Variants in FA2H observed in about 807,000 individuals in gnomAD.
The protein encoded by FA2H is fatty acid alpha-hydroxylase.
FA2H carries 22 observed loss-of-function variants against 44.9 expected under a neutral mutation model. That is an observed-to-expected ratio of 0.49 (90% confidence interval 0.35 to 0.70). The LOEUF (loss-of-function observed/expected upper bound fraction) is 0.70. Ranked by LOEUF, FA2H falls within the 30% of genes least tolerant of loss-of-function variation. The pLI, the probability that FA2H is intolerant of heterozygous loss-of-function variation, is 0.01. For synonymous variants in FA2H, 243 were observed against 213.2 expected (o/e 1.14, Z -1.22); for missense variants, 501 against 504.9 (o/e 0.99, Z 0.07).
chr16:74,739,960 C>T, intron 2 of FA2H, 63 bp downstream of exon 2: 1 of 1,268,452 alleles, frequency 7.9e-7, no homozygotes, highest in South Asian at 1.2e-5. Flanking sequence ...TCCACACACC[C>T]TCTTCCTCTC....
chr16:74,758,091 G>C (rs146023740), intron 1 of FA2H, among the ~76,000 whole-genome samples: 5 of 151,704 alleles, frequency 3.3e-5, no homozygotes, highest in African/African-American at 1.2e-4. Flanking sequence ...TATTTATAGA[G>C]GGACTAGAGT....
chr16:74,724,555 C>T (rs1192877482), intron 4 of FA2H, among the ~76,000 whole-genome samples: 1 of 152,210 alleles, frequency 6.6e-6, no homozygotes, highest in East Asian at 1.9e-4. Flanking sequence ...GCACTAGGAT[C>T]CCGCCGAGTC....
chr16:74,742,909 A>G (rs1962342856), intron 1 of FA2H, among the ~76,000 whole-genome samples: 1 of 152,238 alleles, frequency 6.6e-6, no homozygotes, highest in Non-Finnish European at 1.5e-5. Flanking sequence ...AATACCAAAT[A>G]TATAGGAAGT....
At chr16:74,745,497 G>T (rs548443023) in intron 1 of FA2H, among the ~76,000 whole-genome samples, 2 of 152,360 alleles carry the variant, frequency 1.3e-5, no homozygotes, top group East Asian at 3.9e-4. Flanking sequence ...TCTACTTGGA[G>T]AGAAAAGGAT....
At chr16:74,740,673 T>A (rs28460468) in intron 1 of FA2H, among the ~76,000 whole-genome samples, 9,552 of 140,992 alleles carry the variant, frequency 0.068, 366 homozygotes, top group East Asian at 0.15. Context: ...AATAATAAAA[T>A]TTCTGCATAA....
intron 1 of FA2H, among the ~76,000 whole-genome samples, chr16:74,748,993 G>A (rs1244989829): frequency 6.6e-6 from 1 of 151,852 alleles, no homozygotes; most frequent in Non-Finnish European, 1.5e-5. Context: ...GCGCCCCTGG[G>A]TGGCACATGG....
intron 4 of FA2H, among the ~76,000 whole-genome samples, chr16:74,722,982 G>A (rs1390750423): frequency 1.3e-5 from 2 of 150,870 alleles, no homozygotes; most frequent in East Asian, 1.9e-4. Flanking sequence ...TATTCATGAT[G>A]TCTTTCTTGC....
At chr16:74,750,687 A>T (rs916331535) in intron 1 of FA2H, among the ~76,000 whole-genome samples, 1 of 151,360 alleles carries the variant, frequency 6.6e-6, no homozygotes, top group African/African-American at 2.4e-5. Context: ...AGATTGGCTG[A>T]CTTGTCTCAG....
intron 4 of FA2H, among the ~76,000 whole-genome samples, chr16:74,722,131 C>T (rs1567635218): frequency 6.7e-6 from 1 of 148,258 alleles, no homozygotes; most frequent in South Asian, 2.3e-4. Flanking sequence ...CCAAGGGACT[C>T]CTCTGGGCTC....
chr16:74,763,299 C>G (rs1962746053), intron 1 of FA2H, among the ~76,000 whole-genome samples: 1 of 151,966 alleles, frequency 6.6e-6, no homozygotes, highest in Non-Finnish European at 1.5e-5. Flanking sequence ...ATTCTGTTAC[C>G]CAGGCTGGAG....
chr16:74,753,644 G>C (rs774930261), intron 1 of FA2H, among the ~76,000 whole-genome samples: 2 of 152,122 alleles, frequency 1.3e-5, no homozygotes, highest in African/African-American at 2.4e-5. Context: ...CTGTACTCCA[G>C]CCTGGGTGAC....
chr16:74,774,035 A>C (rs1017369836), intron 1 of FA2H, among the ~76,000 whole-genome samples: 1 of 152,084 alleles, frequency 6.6e-6, no homozygotes, highest in Non-Finnish European at 1.5e-5. Context: ...AGCAGAAGTG[A>C]GGTGGGATGG....
chr16:74,739,986 C>T (rs1962259146), intron 2 of FA2H, 37 bp downstream of exon 2: 3 of 1,484,832 alleles, frequency 2.0e-6, no homozygotes, highest in Non-Finnish European at 2.8e-6. Context: ...TCCCGCCAGC[C>T]CCCAGTCATC....
chr16:74,727,894 G>A (rs992717225), intron 2 of FA2H, among the ~76,000 whole-genome samples: 3 of 151,998 alleles, frequency 2.0e-5, no homozygotes, highest in African/African-American at 7.3e-5. Flanking sequence ...TGTTGGCCTG[G>A]GTAATTAATT....
intron 4 of FA2H, among the ~76,000 whole-genome samples, chr16:74,723,876 A>T (rs1243620128): frequency 6.6e-6 from 1 of 151,910 alleles, no homozygotes; most frequent in Non-Finnish European, 1.5e-5. Flanking sequence ...ATGAGTATAT[A>T]CATTGTATTA....
chr16:74,740,048 C>A lies in FA2H; in HGVS notation c.338G>T (p.Arg113Leu). The change falls in exon 2 of 7, where the codon CGG becomes CTG. Residue 113 changes from arginine (R) to leucine (L), a missense_variant. Coordinates refer to ENST00000219368, the MANE Select transcript of FA2H (RefSeq NM_024306.5). Reference protein sequence around the residue: ...TQKTDPAMEPRFKVVDWDKDL... With the variant: ...TQKTDPAMEPLFKVVDWDKDL... ...CTTGTCCCAATCCACCACTTTGAACCGTGGTTCCATAGCAGGATCTGTCTT... is the reference window on the plus strand; with the variant it reads ...CTTGTCCCAATCCACCACTTTGAACAGTGGTTCCATAGCAGGATCTGTCTT... 6.2e-7 allele frequency: 1 copy of A among 1,613,940 alleles called. No individual in the cohort carries two copies. The highest frequency in any genetic ancestry group is 8.5e-7 in the Non-Finnish European group (1 of 1,179,830).
intron 4 of FA2H, among the ~76,000 whole-genome samples, chr16:74,719,651 C>A (rs1047909806): frequency 6.6e-6 from 1 of 152,214 alleles, no homozygotes; most frequent in Admixed American, 6.5e-5. Flanking sequence ...GATCCTTCCA[C>A]CTCAGCTTCT....
intron 1 of FA2H, among the ~76,000 whole-genome samples, chr16:74,756,111 G>T (rs2144653306): frequency 6.6e-6 from 1 of 152,326 alleles, no homozygotes; most frequent in Non-Finnish European, 1.5e-5. Flanking sequence ...TTCCAGTAGA[G>T]GTGCCATGTT....
chr16:74,734,820 G>A (rs1366682744), intron 2 of FA2H, among the ~76,000 whole-genome samples: 2 of 152,234 alleles, frequency 1.3e-5, no homozygotes, highest in Non-Finnish European at 2.9e-5. Flanking sequence ...GGCGGGGGCA[G>A]GGTAGCTGCT....
Sources: allele counts gnomAD v4.1 joint callset (sites outside exome capture counted in the v4.1 genomes callset), GRCh38; gene constraint gnomAD v4.1.1; transcripts MANE v1.5; gene names NCBI Gene and HGNC (gene_info 2026-07-23, HGNC 2026-07-21).